The following CSGALNACT1 variants were observed in gnomAD, a reference collection of about 807,000 sequenced individuals.
CSGALNACT1 encodes chondroitin sulfate N-acetylgalactosaminyltransferase 1, also known as beta4GalNAcT-1.
A neutral mutation model predicts 51.0 loss-of-function variants in CSGALNACT1; 52 were observed. That is an observed-to-expected ratio of 1.02 (90% CI 0.82 to 1.29). The LOEUF (loss-of-function observed/expected upper bound fraction) is 1.29. Ranked by LOEUF, CSGALNACT1 falls within the 50% of genes most tolerant of loss-of-function variation. The pLI, the probability that CSGALNACT1 is intolerant of heterozygous loss-of-function variation, is 0.00. For synonymous variants in CSGALNACT1, 341 were observed against 254.4 expected (o/e 1.34, Z -3.24); for missense variants, 935 against 679.2 (o/e 1.38, Z -4.19).
intron 4 of CSGALNACT1, among the ~76,000 whole-genome samples, chr8:19,490,518 C>T (rs1261801138): frequency 6.6e-6 from 1 of 152,188 alleles, no homozygotes; most frequent in Non-Finnish European, 1.5e-5. Context: ...ACGGAGAACA[C>T]CAGAACCTCT....
chr8:19,619,556 G>C (rs2053551441), intron 1 of CSGALNACT1, among the ~76,000 whole-genome samples: 2 of 152,152 alleles, frequency 1.3e-5, no homozygotes, highest in African/African-American at 4.8e-5. Flanking sequence ...ACCCAACTGA[G>C]AAGGACTGGT....
upstream of CSGALNACT1, among the ~76,000 whole-genome samples, chr8:19,685,562 TCTTA>T (rs1326921669): frequency 6.6e-6 from 1 of 152,188 alleles, no homozygotes; most frequent in Non-Finnish European, 1.5e-5. Flanking sequence ...ATTAACTAGT[TCTTA>T]GTGTTACATG....
chr8:19,722,931 G>A (rs1014568776), intron 1 of CSGALNACT1, among the ~76,000 whole-genome samples: 1 of 152,194 alleles, frequency 6.6e-6, no homozygotes, highest in Non-Finnish European at 1.5e-5. Flanking sequence ...AATGTTTTCA[G>A]GGCAACTAGG....
chr8:19,570,435 A>G (rs949479402), intron 3 of CSGALNACT1, among the ~76,000 whole-genome samples: 2 of 152,180 alleles, frequency 1.3e-5, no homozygotes, highest in African/African-American at 2.4e-5. Flanking sequence ...AGCTGTCTCA[A>G]TAGTACACTC....
intron 1 of CSGALNACT1, among the ~76,000 whole-genome samples, chr8:19,659,061 C>G (rs2058543588): frequency 6.6e-6 from 1 of 152,038 alleles, no homozygotes; most frequent in African/African-American, 2.4e-5. Flanking sequence ...AGGCAGGGCT[C>G]CCCCCAACCC....
At chr8:19,466,007 C>T (rs58619410) in intron 4 of CSGALNACT1, among the ~76,000 whole-genome samples, 2 of 152,190 alleles carry the variant, frequency 1.3e-5, no homozygotes, top group Non-Finnish European at 2.9e-5. Context: ...CCAGAGATAA[C>T]CCTCACACCT....
intron 3 of CSGALNACT1, among the ~76,000 whole-genome samples, chr8:19,547,047 AGTAGACTCTC>A (rs1563992751): frequency 6.6e-6 from 1 of 152,242 alleles, no homozygotes; most frequent in Non-Finnish European, 1.5e-5. Flanking sequence ...AGTGTCTCAC[AGTAGACTCTC>A]CTGGGTTTTC....
At chr8:19,629,941 C>T (rs1280384331) in intron 1 of CSGALNACT1, among the ~76,000 whole-genome samples, 1 of 152,110 alleles carries the variant, frequency 6.6e-6, no homozygotes, top group Non-Finnish European at 1.5e-5. Context: ...GTAGGCCAGG[C>T]ATAGAATCAA....
chr8:19,667,258 CAAAAAA>C (rs928798627), intron 1 of CSGALNACT1, among the ~76,000 whole-genome samples: 1 of 101,564 alleles, frequency 9.8e-6, no homozygotes, highest in African/African-American at 3.4e-5. Context: ...CCATCTCTAC[CAAAAAA>C]AAAAAAAAAA....
At chr8:19,598,759 C>A (rs4922066) in intron 2 of CSGALNACT1, among the ~76,000 whole-genome samples, 1 of 151,944 alleles carries the variant, frequency 6.6e-6, no homozygotes, top group Non-Finnish European at 1.5e-5. Flanking sequence ...GTTCAGGAGA[C>A]GACTGCGCAA....
chr8:19,543,239 C>A (rs1217816478), intron 3 of CSGALNACT1, among the ~76,000 whole-genome samples: 4 of 152,132 alleles, frequency 2.6e-5, no homozygotes, highest in Non-Finnish European at 5.9e-5. Context: ...GATCACATTG[C>A]CCTCCCCCAT....
intron 1 of CSGALNACT1, among the ~76,000 whole-genome samples, chr8:19,631,817 G>C (rs765616885): frequency 6.6e-6 from 1 of 152,196 alleles, no homozygotes; most frequent in Non-Finnish European, 1.5e-5. Flanking sequence ...ATTTAAACAA[G>C]TGTGCAGTCC....
intron 4 of CSGALNACT1, among the ~76,000 whole-genome samples, chr8:19,463,205 T>C (rs959911228): frequency 2.0e-5 from 3 of 152,246 alleles, no homozygotes; most frequent in African/African-American, 7.2e-5. Context: ...TATCACATTT[T>C]CTTTATCCAG....
intron 1 of CSGALNACT1, among the ~76,000 whole-genome samples, chr8:19,702,779 C>A (rs1330002029): frequency 3.9e-5 from 6 of 152,136 alleles, no homozygotes; most frequent in Non-Finnish European, 1.5e-5. Flanking sequence ...CATACCATGT[C>A]AATGACTCCT....
chr8:19,541,245 A>C (rs1019440319), intron 3 of CSGALNACT1, among the ~76,000 whole-genome samples: 23 of 129,384 alleles, frequency 1.8e-4, no homozygotes, highest in African/African-American at 7.3e-4. Flanking sequence ...AAACTTGGCT[A>C]ATTTTTTTTT....
chr8:19,478,699 T>A (rs1287010179), intron 4 of CSGALNACT1, among the ~76,000 whole-genome samples: 2 of 151,984 alleles, frequency 1.3e-5, no homozygotes, highest in Admixed American at 1.3e-4. Flanking sequence ...ATGATAAAAA[T>A]AATGACCCCC....
chr8:19,713,925 A>C (rs1053951307), intron 1 of CSGALNACT1, among the ~76,000 whole-genome samples: 5 of 152,212 alleles, frequency 3.3e-5, no homozygotes, highest in African/African-American at 7.2e-5. Context: ...GAAACCACAG[A>C]ACACGTTTAG....
At chr8:19,550,282 G>C (rs2087656205) in intron 3 of CSGALNACT1, among the ~76,000 whole-genome samples, 1 of 152,102 alleles carries the variant, frequency 6.6e-6, no homozygotes, top group South Asian at 2.1e-4. Flanking sequence ...CACTGCACCT[G>C]TCTGTGAAAC....
At chr8:19,570,474 C>G (rs1170368783) in intron 3 of CSGALNACT1, among the ~76,000 whole-genome samples, 1 of 152,106 alleles carries the variant, frequency 6.6e-6, no homozygotes, top group Non-Finnish European at 1.5e-5. Context: ...GAGCCATAAC[C>G]TAATCCGGAC....
Sources: allele counts gnomAD v4.1 joint callset (sites outside exome capture counted in the v4.1 genomes callset), GRCh38; gene constraint gnomAD v4.1.1; transcripts MANE v1.5; gene names NCBI Gene and HGNC (gene_info 2026-07-23, HGNC 2026-07-21).